The following CCT5 variants were observed in gnomAD, a reference collection of about 807,000 sequenced individuals.
CCT5 encodes the protein chaperonin containing TCP1 subunit 5, also known as T-complex protein 1 subunit epsilon.
Under a neutral mutation model 55.0 loss-of-function variants are expected in CCT5, and 6 were observed. The observed-to-expected ratio is 0.11, with a 90% CI of 0.06 to 0.22. The LOEUF is 0.22. CCT5 is among the 10% of genes least tolerant of loss of function. CCT5 has a pLI of 1.00. For synonymous variants in CCT5, 231 were observed against 243.7 expected, an observed-to-expected ratio of 0.95 and a Z score of 0.49; for missense variants, 560 against 694.6, an observed-to-expected ratio of 0.81 and a Z score of 2.18.
intron 1 of CCT5, among the ~76,000 whole-genome samples, chr5:10,253,831 G>A (rs1209348072): frequency 1.3e-5 from 2 of 152,196 alleles, no homozygotes; most frequent in Admixed American, 6.5e-5. Flanking sequence ...GTCTTGCAAC[G>A]CCTGTAAGGT....
Position 10,250,305 on chromosome 5 carries a change from C to A in CCT5, c.-36C>A. The A allele has an allele frequency of 6.2e-7, 1 of 1,613,710 alleles. No individual in the cohort carries two copies. ...GCATTCTCGCTTCCGTAGCGGTCTCCGCCGGTTGGGGGGAAGTAATTCCGG... is the reference window on the plus strand; with the variant it reads ...GCATTCTCGCTTCCGTAGCGGTCTCAGCCGGTTGGGGGGAAGTAATTCCGG... On this transcript the variant is annotated 5_prime_UTR_variant, in exon 1 of 11. Coordinates refer to ENST00000280326, the MANE Select transcript of CCT5 (RefSeq NM_012073.5).
intron 7 of CCT5, 46 bp downstream of exon 7, chr5:10,260,957 T>TTA (rs1745930491): frequency 6.2e-7 from 1 of 1,607,524 alleles, no homozygotes. Context: ...GGGGTTCATC[T>TTA]TATGTGTTGA....
intron 3 of CCT5, 127 bp downstream of exon 3, chr5:10,254,965 C>T: frequency 1.3e-6 from 1 of 757,562 alleles, no homozygotes; most frequent in Non-Finnish European, 2.2e-6. Context: ...AAGTTGAAAA[C>T]ATGCTACAAA....
chr5:10,261,679 G>C lies in CCT5; in HGVS notation c.1113G>C (p.Met371Ile). 6.2e-7 allele frequency: 1 copy of C among 1,614,094 alleles called. No homozygotes were observed. The highest frequency in any genetic ancestry group is 8.5e-7 in the Non-Finnish European group (1 of 1,179,984). ...EISFGTTKDKMLVIEQCKNSR... is the reference protein window; with the variant it reads ...EISFGTTKDKILVIEQCKNSR... Reference sequence around the variant, plus strand: ...CATTTGGGACAACTAAGGATAAAATGCTGGTCATCGAGCAGTGTAAGAACT... The same window carrying C: ...CATTTGGGACAACTAAGGATAAAATCCTGGTCATCGAGCAGTGTAAGAACT... Residue 371 changes from methionine to isoleucine, a missense_variant, in exon 8 of 11, where the codon ATG (methionine) becomes ATC (isoleucine). By Grantham distance (10) the Met-to-Ile change is conservative (BLOSUM62 1). This residue lies in a region of CCT5 where 256 missense variants were observed against 372.4 expected (regional missense o/e 0.69). Transcript: ENST00000280326.
intron 1 of CCT5, among the ~76,000 whole-genome samples, chr5:10,253,568 G>T (rs559765722): frequency 2.0e-5 from 3 of 152,162 alleles, no homozygotes; most frequent in African/African-American, 7.2e-5. Flanking sequence ...TTACAATTCT[G>T]CAGTAAATCA....
chr5:10,252,541 G>C (rs1443324228), intron 1 of CCT5, among the ~76,000 whole-genome samples: 2 of 151,794 alleles, frequency 1.3e-5, no homozygotes, highest in African/African-American at 4.8e-5. Context: ...CTGGAACCTG[G>C]GAGGCAGAGG....
rs773084151 is a variant in CCT5, at chr5:10,258,268, G to A, written c.688G>A (p.Val230Met). The A allele has an allele frequency of 6.2e-7, 1 of 1,614,224 alleles. No individual in the cohort carries two copies. The highest frequency in any genetic ancestry group is 1.1e-5 in the South Asian group (1 of 91,086). Residue 230 changes from valine (V) to methionine (M), a missense_variant, in exon 5 of 11, where the codon GTG (valine) becomes ATG (methionine). By Grantham distance (21) the Val-to-Met change is conservative (BLOSUM62 1). Coordinates refer to ENST00000280326, the MANE Select transcript of CCT5 (RefSeq NM_012073.5). ...EDTKLIKGVI[V>M]DKDFSHPQMP... ...CACTAAACTGATTAAGGGCGTGATT[G>A]TGGACAAGGATTTCAGTCACCCACA...
At chr5:10,261,051 A>G (rs1020617069) in intron 7 of CCT5, 140 bp downstream of exon 7, 4 of 867,600 alleles carry the variant, frequency 4.6e-6, no homozygotes, top group Non-Finnish European at 7.9e-6. Context: ...GAGAGAGGAA[A>G]GCGCTGGAAT....
Position 10,265,389 on chromosome 5 carries a change from C to A in CCT5, c.*606C>A. The A allele has an allele frequency of 6.4e-6, 1 of 155,888 alleles. No homozygotes were observed. The highest frequency in any genetic ancestry group is 1.4e-5 in the Non-Finnish European group (1 of 70,434). The allele number at this position is 155,888 out of a possible 1,614,324, so 9.7% of individuals were successfully genotyped here. A position where few individuals can be genotyped will look rare whatever the true frequency, so the allele number is the denominator to read the frequency against. ...CACAGCTCATACACAGAATCAGGACCAGCATGTGCAGAGCTGGCCACCAGC... is the reference window on the plus strand; with the variant it reads ...CACAGCTCATACACAGAATCAGGACAAGCATGTGCAGAGCTGGCCACCAGC... On this transcript the variant is annotated 3_prime_UTR_variant, in exon 11 of 11. Coordinates refer to ENST00000280326, the MANE Select transcript of CCT5 (RefSeq NM_012073.5).
intron 1 of CCT5, among the ~76,000 whole-genome samples, chr5:10,252,614 C>CAAAAAAAA (rs35768596): frequency 5.8e-5 from 7 of 119,954 alleles, no homozygotes; most frequent in Non-Finnish European, 1.2e-4. Flanking sequence ...GACTCCGTCT[C>CAAAAAAAA]AAAAAAAAAA....
intron 6 of CCT5, among the ~76,000 whole-genome samples, chr5:10,259,641 G>A (rs2445868): frequency 0.74 from 112,348 of 152,154 alleles, 43,697 homozygotes; most frequent in East Asian, 0.87. Flanking sequence ...GAGGACAGAT[G>A]GGGATGCTCC....
At chr5:10,262,243 T>G in intron 8 of CCT5, 1 of 521,068 alleles carries the variant, frequency 1.9e-6, no homozygotes, top group East Asian at 3.5e-5. Flanking sequence ...GCGAGTTTTG[T>G]CAGTTTTTGA....
intron 4 of CCT5, 33 bp from the exon 5 acceptor site, chr5:10,258,078 C>G: frequency 6.2e-7 from 1 of 1,608,462 alleles, no homozygotes; most frequent in Non-Finnish European, 8.5e-7. Flanking sequence ...AATTGTGAAA[C>G]CAATGAAGTT....
intron 7 of CCT5, 34 bp downstream of exon 7, chr5:10,260,945 T>C (rs370360616): frequency 8.2e-5 from 132 of 1,611,786 alleles, no homozygotes; most frequent in Non-Finnish European, 1.0e-4. Flanking sequence ...CTTTGAGAAG[T>C]AGGGGTTCAT....
At position 10,254,685 on chromosome 5, in the gene CCT5, A is replaced by T; in HGVS notation, c.178A>T (p.Met60Leu). The T allele has an allele frequency of 6.2e-7, 1 of 1,613,910 alleles. No homozygotes were observed. The highest frequency in any genetic ancestry group is 8.5e-7 in the Non-Finnish European group (1 of 1,179,858). The change falls in exon 3 of 11, where the codon ATG becomes TTG. Residue 60 changes from methionine to leucine, a missense_variant. Physicochemically the swap from Met to Leu is conservative, Grantham distance 15. Transcript: ENST00000280326. ...ACGTTGTTTTTTAGGGCTTGATAAGATGATGGTGGATAAGGATGGAGATGT... is the reference window on the plus strand; with the variant it reads ...ACGTTGTTTTTTAGGGCTTGATAAGTTGATGGTGGATAAGGATGGAGATGT... ...TSLGPNGLDK[M>L]MVDKDGDVTV...
At chr5:10,261,939 C>G in intron 8 of CCT5, 194 bp downstream of exon 8, 2 of 656,630 alleles carry the variant, frequency 3.0e-6, no homozygotes, top group Non-Finnish European at 2.8e-6. Context: ...ATTTGCCTTT[C>G]TGCTGTCCCT....
chr5:10,250,598 C>A, intron 1 of CCT5, 153 bp downstream of exon 1: 1 of 1,468,506 alleles, frequency 6.8e-7, no homozygotes. Context: ...GCTCAGCCCG[C>A]TTACTGAGCT....
At chr5:10,254,080 G>A (rs1745557890) in intron 1 of CCT5, 65 bp from the exon 2 acceptor site, 2 of 1,053,896 alleles carry the variant, frequency 1.9e-6, no homozygotes, top group African/African-American at 1.6e-5. Flanking sequence ...GTAGTCATCA[G>A]ATGTGTGCTT....
Position 10,260,983 on chromosome 5 carries a change from C to A in CCT5, c.993+72C>A, listed in dbSNP as rs1006332417. On this transcript the variant is annotated intron_variant, in intron 7 of 10. Coordinates refer to ENST00000280326, the MANE Select transcript of CCT5 (RefSeq NM_012073.5). ...TATGTGTTGAGGGGTGTTTTGATAG[C>A]CCTGCCTTAAATAACTGCATCACAC... is the stretch of plus-strand genomic sequence containing the variant. The A allele has an allele frequency of 4.0e-6, 6 of 1,509,190 alleles. No homozygotes were observed. The African/African-American group carries it at 8.2e-5, about 21-fold the overall frequency. The allele number at this position is 1,509,190 out of a possible 1,614,324, so 93.5% of individuals were successfully genotyped here.
Sources: gnomAD v4.1 joint callset for allele counts (sites outside exome capture counted in the v4.1 genomes callset) on GRCh38, gnomAD v4.1.1 for gene constraint, gnomAD v4.1.1 regional missense constraint, MANE v1.5 for transcripts, NCBI Gene and HGNC (gene_info 2026-07-23, HGNC 2026-07-21) for gene names.